The following TOGARAM2 variants were observed in gnomAD, a reference collection of about 807,000 sequenced individuals.
TOGARAM2 encodes TOG array regulator of axonemal microtubules 2, also known as TOG array regulator of axonemal microtubules protein 2.
A neutral mutation model predicts 93.3 loss-of-function variants in TOGARAM2; 85 were observed. The ratio of observed to expected loss-of-function variants is 0.91; its 90% CI spans 0.76 to 1.09. TOGARAM2 has a LOEUF of 1.09. Among genes scored for constraint, TOGARAM2 ranks in the 50% least tolerant of loss-of-function variants. The pLI is 0.00. For missense variants in TOGARAM2, 1,277 were observed against 1,334.5 expected, an observed-to-expected ratio of 0.96 and a Z score of 0.67; for synonymous variants, 593 against 552.8, an observed-to-expected ratio of 1.07 and a Z score of -1.02.
At chr2:28,960,065 A>G (rs2148212160) in intron 1 of TOGARAM2, among the ~76,000 whole-genome samples, 1 of 152,340 alleles carries the variant, frequency 6.6e-6, no homozygotes, top group African/African-American at 2.4e-5. Flanking sequence ...GCCAAGTAAT[A>G]CGCTATTGTA....
chr2:28,978,821 C>A (rs1672072538), upstream of TOGARAM2, among the ~76,000 whole-genome samples: 1 of 152,132 alleles, frequency 6.6e-6, no homozygotes, highest in Admixed American at 6.5e-5. Flanking sequence ...ACTGGGAACA[C>A]TGGGCACTGG....
chr2:29,014,780 T>G (rs1304354604), intron 8 of TOGARAM2, among the ~76,000 whole-genome samples: 6 of 142,200 alleles, frequency 4.2e-5, no homozygotes, highest in African/African-American at 8.0e-5. Context: ...AGAAGCGGGG[T>G]GGGGAACTAG....
rs144456557 is a variant in TOGARAM2, at chr2:28,958,960, T to C, written c.-147+2263T>C. ...TTGGCTGAGAGAATCTCCAAAGTGCTTGCAGCTCTTTTCTGGTGTCCAAGT... is the reference window on the plus strand; with the variant it reads ...TTGGCTGAGAGAATCTCCAAAGTGCCTGCAGCTCTTTTCTGGTGTCCAAGT... On this transcript the variant is annotated intron_variant, in intron 1 of 6. Coordinates refer to the TOGARAM2 transcript ENST00000401723. Among the ~76,000 whole-genome samples the C allele has an allele frequency of 1.6e-3, 251 of 152,304 alleles. 3 individuals are homozygous for C. The highest frequency in any genetic ancestry group is 5.7e-3 in the African/African-American group (236 of 41,552).
chr2:29,027,153 C>T, intron 14 of TOGARAM2, 142 bp downstream of exon 14: 1 of 907,050 alleles, frequency 1.1e-6, no homozygotes, highest in Middle Eastern at 3.5e-4. Context: ...TTCCTTTCAG[C>T]TCTTGTCCCA....
At chr2:29,021,093 T>TAGTAA (rs774122920) in intron 10 of TOGARAM2, among the ~76,000 whole-genome samples, 2 of 152,164 alleles carry the variant, frequency 1.3e-5, no homozygotes, top group South Asian at 2.1e-4. Context: ...TTTGTATTTT[T>TAGTAA]AGTAAAGACA....
intron 1 of TOGARAM2, among the ~76,000 whole-genome samples, chr2:28,975,138 TTTTC>T (rs1039696157): frequency 6.6e-6 from 1 of 152,066 alleles, no homozygotes; most frequent in African/African-American, 2.4e-5. Flanking sequence ...TTCCAGTTGT[TTTTC>T]TTTGTGTCTT....
intron 1 of TOGARAM2, among the ~76,000 whole-genome samples, chr2:28,991,702 C>G (rs920911899): frequency 1.3e-5 from 2 of 152,164 alleles, no homozygotes; most frequent in African/African-American, 4.8e-5. Flanking sequence ...GTGCGAGGCC[C>G]GGGTGGTTGG....
Position 29,027,027 on chromosome 2 carries a change from G to A in TOGARAM2, c.2012+16G>A, listed in dbSNP as rs750133717. On this transcript the variant is annotated intron_variant, in intron 14 of 19. Coordinates refer to ENST00000379558, the MANE Select transcript of TOGARAM2 (RefSeq NM_199280.4). ...AGGACACCAGGTAGGGCAGGGCCAG[G>A]GGCCTGGGGGCAGAGAAGGCAACCA... 1.5e-5 allele frequency: 23 copies of A among 1,540,962 alleles called. No homozygotes were observed. The highest frequency in any genetic ancestry group is 2.0e-5 in the Non-Finnish European group (23 of 1,140,452).
At chr2:29,043,788 A>C (rs1257339932) in intron 18 of TOGARAM2, among the ~76,000 whole-genome samples, 1 of 152,192 alleles carries the variant, frequency 6.6e-6, no homozygotes, top group Non-Finnish European at 1.5e-5. Flanking sequence ...TCAGCTTAGC[A>C]CACCTTTCTA....
intron 1 of TOGARAM2, among the ~76,000 whole-genome samples, chr2:28,960,818 G>A (rs1671794655): frequency 6.6e-6 from 1 of 152,222 alleles, no homozygotes; most frequent in South Asian, 2.1e-4. Flanking sequence ...ATGTATCCAT[G>A]TGGCTGAGTG....
At chr2:29,028,439 G>A (rs926738527) in intron 14 of TOGARAM2, among the ~76,000 whole-genome samples, 8 of 152,206 alleles carry the variant, frequency 5.3e-5, no homozygotes, top group Non-Finnish European at 1.0e-4. Context: ...GCCCCGCCCT[G>A]CCTGGGGTCC....
chr2:28,973,219 C>T (rs941888492), intron 1 of TOGARAM2, among the ~76,000 whole-genome samples: 2 of 152,140 alleles, frequency 1.3e-5, no homozygotes, highest in African/African-American at 2.4e-5. Flanking sequence ...GCACCTCCCC[C>T]GAGGCTCTAT....
chr2:28,958,902 G>A (rs1184990239), intron 1 of TOGARAM2, among the ~76,000 whole-genome samples: 1 of 152,190 alleles, frequency 6.6e-6, no homozygotes, highest in Non-Finnish European at 1.5e-5. Context: ...GGAGGGTGGG[G>A]ATGTGAGCTT....
rs551182151 is a variant in TOGARAM2 at position 29,043,116 on chromosome 2, G to T, written c.2636-2208G>T. On this transcript the variant is annotated intron_variant, in intron 18 of 19. Transcript: ENST00000379558. ...AATAGAAACACCTGGAAACAAACAG[G>T]TGCCATTCATATGAAAATCTATTCT... Among the ~76,000 whole-genome samples the T allele has an allele frequency of 3.7e-4, 56 of 152,294 alleles. 1 individual carries two copies. Among genetic ancestry groups the T allele is most frequent in the Admixed American group, 1.4e-3 (21 of 15,294 alleles).
intron 1 of TOGARAM2, among the ~76,000 whole-genome samples, chr2:28,957,962 G>A (rs969838408): frequency 2.0e-5 from 3 of 152,146 alleles, no homozygotes; most frequent in Admixed American, 2.0e-4. Context: ...AACTAATTAG[G>A]ATGTGAGGTA....
chr2:28,972,054 A>G (rs1221331320), intron 1 of TOGARAM2, among the ~76,000 whole-genome samples: 3 of 152,178 alleles, frequency 2.0e-5, no homozygotes, highest in Non-Finnish European at 4.4e-5. Context: ...GACATGGGAT[A>G]GGTAAGAAAT....
At chr2:28,971,045 G>T (rs932479813) in intron 1 of TOGARAM2, 1 of 152,206 alleles carries the variant, frequency 6.6e-6, no homozygotes, top group Admixed American at 6.6e-5. Context: ...GAGCCAGCAG[G>T]CCTGGAGGCT....
rs750828282 is a variant in TOGARAM2 at position 29,024,377 on chromosome 2, A to G, written c.1853+3A>G. On this transcript the variant is annotated splice_donor_region_variant and intron_variant, in intron 13 of 19. Coordinates refer to ENST00000379558, the MANE Select transcript of TOGARAM2 (RefSeq NM_199280.4). Reference sequence around the variant, plus strand: ...GTCCTCACCTCGGCGGGTGTCTAGTATGTGGCTGCCTGTTGTCTGAGGGGC... The same window carrying G: ...GTCCTCACCTCGGCGGGTGTCTAGTGTGTGGCTGCCTGTTGTCTGAGGGGC... 3.2e-5 allele frequency: 46 copies of G among 1,450,158 alleles called. No homozygotes were observed. The highest frequency in any genetic ancestry group is 1.4e-4 in the African/African-American group (10 of 69,678). 89.8% of individuals were successfully genotyped at this position (1,450,158 alleles called of 1,614,324 possible).
At chr2:29,014,322 G>A in intron 7 of TOGARAM2, 73 bp from the exon 8 acceptor site, 3 of 1,527,042 alleles carry the variant, frequency 2.0e-6, no homozygotes, top group South Asian at 2.5e-5. Context: ...GTAGAATTGA[G>A]CCAGCCACAG....
Sources: allele counts gnomAD v4.1 joint callset (sites outside exome capture counted in the v4.1 genomes callset), GRCh38; gene constraint gnomAD v4.1.1; transcripts MANE v1.5; gene names NCBI Gene and HGNC (gene_info 2026-07-23, HGNC 2026-07-21).